MYO5B: variants seen among roughly 807,000 people sequenced by gnomAD.
MYO5B encodes the protein unconventional myosin-Vb.
MYO5B carries 143 observed loss-of-function variants against 229.3 expected under a neutral mutation model. The ratio of observed to expected loss-of-function variants is 0.62; its 90% confidence interval spans 0.54 to 0.72. The LOEUF is 0.72. Ranked by LOEUF, MYO5B falls within the 30% of genes least tolerant of loss-of-function variation. The probability of loss-of-function intolerance (pLI) is 0.00; values close to 1 mark genes in which losing one functional copy is unlikely to be tolerated. For synonymous variants in MYO5B, 918 were observed against 885.2 expected, an observed-to-expected ratio of 1.04 and a Z score of -0.66; for missense variants, 2,321 against 2,331.0, an observed-to-expected ratio of 1.00 and a Z score of 0.09.
At chr18:49,873,081 C>G (rs113891295) in intron 26 of MYO5B, among the ~76,000 whole-genome samples, 2,582 of 152,312 alleles carry the variant, frequency 0.017, 75 homozygotes, top group South Asian at 0.13. Flanking sequence ...AGATGGCCCA[C>G]AACACTCTGT....
chr18:50,064,768 T>C (rs1007801709), intron 1 of MYO5B, among the ~76,000 whole-genome samples: 1 of 152,230 alleles, frequency 6.6e-6, no homozygotes, highest in African/African-American at 2.4e-5. Flanking sequence ...CCTATAAATA[T>C]TTATGCAGTC....
intron 32 of MYO5B, among the ~76,000 whole-genome samples, 157 bp downstream of exon 32, chr18:49,849,410 T>C (rs1166314470): frequency 6.6e-6 from 1 of 152,166 alleles, no homozygotes; most frequent in African/African-American, 2.4e-5. Flanking sequence ...GGTAAGCTCA[T>C]GGGATCCAAC....
intron 31 of MYO5B, among the ~76,000 whole-genome samples, chr18:49,851,653 A>G (rs2024201881): frequency 6.7e-6 from 1 of 149,092 alleles, no homozygotes. Context: ...TGCTACCAGG[A>G]GGGACAATCA....
chr18:49,874,494 A>G (rs1026126863), intron 26 of MYO5B, among the ~76,000 whole-genome samples: 1 of 152,222 alleles, frequency 6.6e-6, no homozygotes, highest in Non-Finnish European at 1.5e-5. Flanking sequence ...ATTCTGAATC[A>G]AGTCCACCTG....
At chr18:49,997,276 A>T in intron 5 of MYO5B, among the ~76,000 whole-genome samples, 1 of 22,852 alleles carries the variant, frequency 4.4e-5, no homozygotes, top group African/African-American at 9.5e-5. Context: ...TTAAAAAAAA[A>T]AAAAAAAAAA....
chr18:49,858,659 G>A (rs573219924), intron 29 of MYO5B, among the ~76,000 whole-genome samples: 98 of 152,262 alleles, frequency 6.4e-4, no homozygotes, highest in Non-Finnish European at 1.3e-3. Flanking sequence ...TAGGATTAAT[G>A]AATGCCCAGG....
At chr18:50,075,096 T>C (rs79251985) in intron 1 of MYO5B, among the ~76,000 whole-genome samples, 14,169 of 152,192 alleles carry the variant, frequency 0.093, 1,209 homozygotes, top group African/African-American at 0.23. Flanking sequence ...ATGCCTGGCC[T>C]GGAGACCTGT....
chr18:50,091,028 G>A (rs1189333530), intron 1 of MYO5B, among the ~76,000 whole-genome samples: 1 of 152,174 alleles, frequency 6.6e-6, no homozygotes, highest in Non-Finnish European at 1.5e-5. Flanking sequence ...TTGCTTACCG[G>A]CAGGTATGTG....
chr18:50,055,749 C>A (rs1179153520), intron 1 of MYO5B, among the ~76,000 whole-genome samples: 1 of 152,124 alleles, frequency 6.6e-6, no homozygotes, highest in African/African-American at 2.4e-5. Context: ...AACAAAACAA[C>A]ACAGGGAAAA....
intron 27 of MYO5B, chr18:49,871,644 A>T (rs1469613032): frequency 5.0e-6 from 1 of 201,282 alleles, no homozygotes; most frequent in Admixed American, 5.2e-5. Flanking sequence ...CCATTGAAAT[A>T]ACTCACTACC....
chr18:50,169,181 T>C (rs1170073721), intron 1 of MYO5B, among the ~76,000 whole-genome samples: 1 of 126,788 alleles, frequency 7.9e-6, no homozygotes, highest in Non-Finnish European at 1.7e-5. Flanking sequence ...TGGCAGCACA[T>C]GCCTGTGGTC....
intron 1 of MYO5B, among the ~76,000 whole-genome samples, chr18:50,183,470 C>T (rs1000737633): frequency 2.6e-5 from 4 of 151,676 alleles, no homozygotes; most frequent in African/African-American, 9.7e-5. Context: ...TGAGGAAAGG[C>T]TTCCAGGAGT....
intron 25 of MYO5B, among the ~76,000 whole-genome samples, chr18:49,876,464 T>A (rs2024525288): frequency 6.6e-6 from 1 of 152,206 alleles, no homozygotes; most frequent in African/African-American, 2.4e-5. Context: ...TATGAGCACA[T>A]CCATGTGGAT....
At chr18:49,989,735 T>C (rs921277521) in intron 7 of MYO5B, among the ~76,000 whole-genome samples, 1 of 152,074 alleles carries the variant, frequency 6.6e-6, no homozygotes, top group African/African-American at 2.4e-5. Context: ...CTAACACCCC[T>C]CAGGAAGCAG....
At chr18:49,937,187 A>G (rs2025260034) in intron 15 of MYO5B, 58 bp downstream of exon 15, 1 of 1,599,748 alleles carries the variant, frequency 6.3e-7, no homozygotes, top group Non-Finnish European at 8.6e-7. Flanking sequence ...TCCTTCATCT[A>G]CAGAGAGGCC....
rs142743850 is a variant in MYO5B at position 49,908,029 on chromosome 18, C to G, written c.2203-1399G>C. On this transcript the variant is annotated intron_variant, in intron 18 of 39. Transcript: ENST00000285039. ...CAGGAGGGGTTAGGAAGCCAAAGCA[C>G]GGTAGCTAAGCCCCTGAGTCAGGGA... Among the ~76,000 whole-genome samples, 452 of 152,336 alleles carry G rather than the reference C, an allele frequency of 3.0e-3. 4 individuals are homozygous for G. The highest frequency in any genetic ancestry group is 9.4e-3 in the African/African-American group (389 of 41,574).
chr18:50,112,533 C>T (rs1474134975), intron 1 of MYO5B, among the ~76,000 whole-genome samples: 1 of 152,212 alleles, frequency 6.6e-6, no homozygotes, highest in African/African-American at 2.4e-5. Context: ...CTGAGCACCA[C>T]CAGCCCTATC....
In MYO5B at chr18:50,074,084, T is replaced by C. The variant is rs575327476; in HGVS notation, c.28-18706A>G. ...ACCCGAGACTGGGAAGAAAAAGAGG[T>C]TTAATTGGACTCACAGTTCCACATG... On this transcript the variant is annotated intron_variant, in intron 1 of 39. Transcript: ENST00000285039. Among the ~76,000 whole-genome samples, 4 of 151,636 alleles carry C rather than the reference T, an allele frequency of 2.6e-5. No homozygotes were observed. In the East Asian group the frequency reaches 7.8e-4, roughly 29 times the overall value.
chr18:50,125,600 C>T (rs1399284799), intron 1 of MYO5B, among the ~76,000 whole-genome samples: 4 of 152,280 alleles, frequency 2.6e-5, no homozygotes, highest in African/African-American at 9.6e-5. Context: ...AGGAACAGTT[C>T]AAATACTAGG....
Sources: gnomAD v4.1 joint callset for allele counts (sites outside exome capture counted in the v4.1 genomes callset) on GRCh38, gnomAD v4.1.1 for gene constraint, MANE v1.5 for transcripts, NCBI Gene and HGNC (gene_info 2026-07-23, HGNC 2026-07-21) for gene names.